ITSN2: variants seen among roughly 807,000 people sequenced by gnomAD.
ITSN2 encodes intersectin-2.
ITSN2 carries 156 observed loss-of-function variants against 243.7 expected under a neutral mutation model. That is an observed-to-expected ratio of 0.64 (90% CI 0.56 to 0.73). The LOEUF is 0.73. Among genes scored for constraint, ITSN2 ranks in the 30% least tolerant of loss-of-function variants. The pLI is 0.00. For synonymous variants in ITSN2, 703 were observed against 699.9 expected (o/e 1.00, Z -0.07); for missense variants, 1,801 against 1,996.1 (o/e 0.90, Z 1.86).
In ITSN2 at chr2:24,257,881, T is replaced by A. The variant is rs764603803; in HGVS notation, c.2888+7A>T. 1.2e-6 allele frequency: 2 copies of A among 1,604,986 alleles called. No homozygotes were observed. Among genetic ancestry groups the A allele is most frequent in the Non-Finnish European group, 1.7e-6 (2 of 1,171,750 alleles). ...CACATCTCATGAAAACACATAAAGA[T>A]GCTTACTCTTCCCGTTTTACTTCAC... On this transcript the variant is annotated splice_region_variant and intron_variant, in intron 23 of 39. Transcript: ENST00000355123.
Position 24,204,360 on chromosome 2 carries a change from G to A in ITSN2, c.4821C>T (p.Thr1607=). The change falls in exon 39 of 40, where the codon ACC becomes ACT. Residue 1607 remains threonine (T), a synonymous_variant. Transcript: ENST00000355123. This position sits in a 1 kb window ranked among gnomAD's most constrained non-coding sequence, Gnocchi z 5.1. ...ACTTGGGATTGAGTGTGTCCTGGATGGTCCTGGTGGTGTAGCTCTGGGAGC... is the reference window on the plus strand; with the variant it reads ...ACTTGGGATTGAGTGTGTCCTGGATAGTCCTGGTGGTGTAGCTCTGGGAGC... ...SMGSQSYTTR[T]IQDTLNPKWN... is the part of the protein sequence containing the mutation. 6.2e-7 allele frequency: 1 copy of A among 1,614,142 alleles called. No individual in the cohort carries two copies. Among genetic ancestry groups the A allele is most frequent in the East Asian group, 2.2e-5 (1 of 44,888 alleles).
intron 1 of ITSN2, among the ~76,000 whole-genome samples, chr2:24,338,052 G>A (rs993949411): frequency 1.1e-4 from 17 of 152,114 alleles, no homozygotes; most frequent in African/African-American, 9.7e-5. Flanking sequence ...GGTTCAGGCC[G>A]TGATGGGAAG....
rs552809326 is a variant in ITSN2, at chr2:24,204,326, T to C, written c.4855A>G (p.Asn1619Asp). 5.5e-5 allele frequency: 89 copies of C among 1,614,142 alleles called. No individual in the cohort carries two copies. The African/African-American group carries it at 8.3e-4, about 15-fold the overall frequency. ...QDTLNPKWNF[N>D]CQFFIKDLYQ... Reference sequence around the variant, plus strand: ...AGATCCTTAATAAAGAACTGGCAGTTAAAATTCCACTTGGGATTGAGTGTG... The same window carrying C: ...AGATCCTTAATAAAGAACTGGCAGTCAAAATTCCACTTGGGATTGAGTGTG... The change falls in exon 39 of 40, where the codon AAC becomes GAC. Residue 1619 changes from asparagine (N) to aspartate (D), a missense_variant. Asn to Asp is a conservative substitution (Grantham distance 23, BLOSUM62 1). Coordinates refer to ENST00000355123, the MANE Select transcript of ITSN2 (RefSeq NM_006277.3). This position sits in a 1 kb window ranked among gnomAD's most constrained non-coding sequence, Gnocchi z 5.1.
chr2:24,263,846 C>T (rs1676236844), intron 20 of ITSN2, among the ~76,000 whole-genome samples: 1 of 152,048 alleles, frequency 6.6e-6, no homozygotes, highest in Non-Finnish European at 1.5e-5. Flanking sequence ...TTGGCTATTA[C>T]AAATAAAGCT....
At chr2:24,328,142 G>A in intron 1 of ITSN2, 27 bp from the exon 2 acceptor site, 1 of 1,561,942 alleles carries the variant, frequency 6.4e-7, no homozygotes. Flanking sequence ...TTGTGCCGTT[G>A]ATAATACAAC....
chr2:24,302,824 AC>A (rs888594476), intron 9 of ITSN2, among the ~76,000 whole-genome samples: 1 of 152,234 alleles, frequency 6.6e-6, no homozygotes, highest in Non-Finnish European at 1.5e-5. Context: ...ATGAAAGAAA[AC>A]AACAGTTTTT....
rs1460152465 is a variant in ITSN2 at position 24,225,422 on chromosome 2, G to A, written c.3578-4356C>T. ...GCCCCACTGCCCGACACTGCTCTCG[G>A]GAAGGTATCGATGACCTTGGCATTG... is the stretch of plus-strand genomic sequence containing the variant. On this transcript the variant is annotated intron_variant, in intron 29 of 39. Coordinates refer to ENST00000355123, the MANE Select transcript of ITSN2 (RefSeq NM_006277.3). This position sits in a 1 kb window ranked among gnomAD's most constrained non-coding sequence, Gnocchi z 4.2. 6.6e-6 allele frequency among the ~76,000 whole-genome samples: 1 copy of A among 152,154 alleles called. No homozygotes were observed. Among genetic ancestry groups the A allele is most frequent in the Non-Finnish European group, 1.5e-5 (1 of 68,034 alleles).
At chr2:24,287,589 T>C (rs1679676447) in intron 15 of ITSN2, among the ~76,000 whole-genome samples, 1 of 152,100 alleles carries the variant, frequency 6.6e-6, no homozygotes, top group African/African-American at 2.4e-5. Flanking sequence ...ACAAGAGTTC[T>C]ATCTTATTTT....
intron 1 of ITSN2, chr2:24,330,277 A>C (rs1399372493): frequency 2.7e-6 from 1 of 370,824 alleles, no homozygotes; most frequent in African/African-American, 2.1e-5. Context: ...CTGTGAATAC[A>C]AAAGAATGCC....
Position 24,295,669 on chromosome 2 carries a change from G to A in ITSN2, c.1630C>T (p.Leu544Phe), listed in dbSNP as rs1318255754. ...TTTAGCAGTGAAGGACTTACCTGAAGTTCCTGTTGAAGTTGCTTGATTTCC... is the reference window on the plus strand; with the variant it reads ...TTTAGCAGTGAAGGACTTACCTGAAATTCCTGTTGAAGTTGCTTGATTTCC... ...IMEIKQLQQE[L>F]QEYQNKLIYL... Residue 544 changes from leucine (L) to phenylalanine (F), a missense_variant, in exon 14 of 40, where the codon CTT becomes TTT. By Grantham distance (22) the Leu-to-Phe change is conservative. This residue lies in a region of ITSN2 where 787 missense variants were observed against 803.9 expected (regional missense o/e 0.98). Transcript: ENST00000355123. The A allele has an allele frequency of 1.3e-6, 2 of 1,534,216 alleles. No homozygotes were observed. The highest frequency in any genetic ancestry group is 1.7e-6 in the Non-Finnish European group (2 of 1,151,082).
Position 24,261,149 on chromosome 2 carries a change from G to A in ITSN2, c.2639C>T (p.Thr880Ile), listed in dbSNP as rs1286037953. ...TACAGATCCAGGGGACACAGTTCGA[G>A]TGAAGGCTGATTTTTTCTGCCATGA... ...NTSWQKKSAF[T>I]RTVSPGSVSP... Residue 880 changes from threonine (T) to isoleucine (I), a missense_variant, in exon 22 of 40, where the codon ACT becomes ATT. Physicochemically the swap from Thr to Ile is moderately conservative, Grantham distance 89 (BLOSUM62 -1). Transcript: ENST00000355123. 6.2e-7 allele frequency: 1 copy of A among 1,613,866 alleles called. No homozygotes were observed. The highest frequency in any genetic ancestry group is 1.1e-5 in the South Asian group (1 of 91,074).
intron 1 of ITSN2, among the ~76,000 whole-genome samples, chr2:24,344,431 T>C (rs1360053583): frequency 6.6e-6 from 1 of 152,198 alleles, no homozygotes; most frequent in African/African-American, 2.4e-5. Flanking sequence ...CAATATTTGG[T>C]ATGAACAATT....
At position 24,302,105 on chromosome 2, in the gene ITSN2, A is replaced by T; in HGVS notation, c.858-3T>A. 6.3e-7 allele frequency: 1 copy of T among 1,593,520 alleles called. No individual in the cohort carries two copies. The highest frequency in any genetic ancestry group is 8.5e-7 in the Non-Finnish European group (1 of 1,170,048). On this transcript the variant is annotated splice_region_variant and splice_polypyrimidine_tract_variant and intron_variant, in intron 9 of 39. Transcript: ENST00000355123. ...CACCATCAACGTCAGCCAGAGTCCT[A>T]AAGAAAATGTTAAAATTCACAACTT...
At chr2:24,269,566 G>A (rs1364476628) in intron 20 of ITSN2, among the ~76,000 whole-genome samples, 2 of 152,140 alleles carry the variant, frequency 1.3e-5, no homozygotes, top group Non-Finnish European at 2.9e-5. Context: ...GACCATGGGA[G>A]AGGTCTGTGC....
rs1681533193 is a variant in ITSN2, at chr2:24,300,125, C to T, written c.1128G>A (p.Met376Ile). 1 of 1,614,094 alleles carries T rather than the reference C, an allele frequency of 6.2e-7. No homozygotes were observed. The highest frequency in any genetic ancestry group is 8.5e-7 in the Non-Finnish European group (1 of 1,180,044). ...KRKANYERGNMELEKRRQALM... is the reference protein window; with the variant it reads ...KRKANYERGNIELEKRRQALM... ...AGGCTTGGCGTCGCTTTTCCAGCTC[C>T]ATGTTCCCTCGCTCATAGTTGGCTT... Residue 376 changes from methionine (M) to isoleucine (I), a missense_variant, in exon 12 of 40, where the codon ATG (methionine) becomes ATA (isoleucine). This residue lies in a region of ITSN2 where 787 missense variants were observed against 803.9 expected (regional missense o/e 0.98). Coordinates refer to ENST00000355123, the MANE Select transcript of ITSN2 (RefSeq NM_006277.3).
chr2:24,220,342 T>C, intron 30 of ITSN2: 1 of 985,424 alleles, frequency 1.0e-6, no homozygotes, highest in Non-Finnish European at 1.2e-6. Context: ...AAGTCTTCTT[T>C]TGTTCACTCA....
At chr2:24,340,726 C>T (rs1379797596) in intron 1 of ITSN2, among the ~76,000 whole-genome samples, 2 of 151,674 alleles carry the variant, frequency 1.3e-5, no homozygotes, top group African/African-American at 2.4e-5. Flanking sequence ...CATTATAGAT[C>T]CTGTGTTCTC....
chr2:24,261,524 A>T, intron 21 of ITSN2, 37 bp downstream of exon 21: 2 of 1,461,946 alleles, frequency 1.4e-6, no homozygotes, highest in Non-Finnish European at 1.9e-6. Flanking sequence ...ACACATTTGC[A>T]GATCTATATA....
At chr2:24,308,212 T>C (rs954402785) in intron 8 of ITSN2, among the ~76,000 whole-genome samples, 2 of 152,234 alleles carry the variant, frequency 1.3e-5, no homozygotes, top group African/African-American at 4.8e-5. Flanking sequence ...CAATGCTCAC[T>C]TGAGGTTATA....
Sources: gnomAD v4.1 joint callset for allele counts (sites outside exome capture counted in the v4.1 genomes callset) on GRCh38, gnomAD v4.1.1 for gene constraint, gnomAD v4.1.1 regional missense constraint, Gnocchi (gnomAD v3.1) non-coding constraint, MANE v1.5 for transcripts, NCBI Gene and HGNC (gene_info 2026-07-23, HGNC 2026-07-21) for gene names.